Variants in CSDE1 observed in about 807,000 individuals in gnomAD.
CSDE1 encodes cold shock domain containing E1.
CSDE1 carries 17 observed loss-of-function variants against 89.3 expected under a neutral mutation model. The observed-to-expected ratio is 0.19, with a 90% CI of 0.13 to 0.29. The LOEUF (loss-of-function observed/expected upper bound fraction) is 0.29, where lower values mean the gene tolerates loss of function less well. Among genes scored for constraint, CSDE1 ranks in the 10% least tolerant of loss-of-function variants. The probability of loss-of-function intolerance (pLI) is 1.00; values close to 1 mark genes in which losing one functional copy is unlikely to be tolerated. For synonymous variants in CSDE1, 322 were observed against 332.8 expected, an observed-to-expected ratio of 0.97 and a Z score of 0.35; for missense variants, 672 against 984.2, an observed-to-expected ratio of 0.68 and a Z score of 4.24.
At chr1:114,744,097 TAG>T (rs1660882497) in intron 2 of CSDE1, among the ~76,000 whole-genome samples, 1 of 152,120 alleles carries the variant, frequency 6.6e-6, no homozygotes, top group Non-Finnish European at 1.5e-5. Flanking sequence ...CAAATGGAAG[TAG>T]ATAATTTAAC....
chr1:114,718,164 T>C lies in CSDE1; in HGVS notation c.*5A>G. The C allele has an allele frequency of 1.2e-6, 2 of 1,614,090 alleles. No homozygotes were observed. Among genetic ancestry groups the C allele is most frequent in the Non-Finnish European group, 1.7e-6 (2 of 1,179,976 alleles). On this transcript the variant is annotated 3_prime_UTR_variant, in exon 20 of 20. Transcript: ENST00000358528. Reference sequence around the variant, plus strand: ...GTGGATTAATGGTGTGCTTTGTGGATGTGGTTAGTCAATGACACCAGCTTG... The same window carrying C: ...GTGGATTAATGGTGTGCTTTGTGGACGTGGTTAGTCAATGACACCAGCTTG...
At position 114,737,471 on chromosome 1, in the gene CSDE1, C is replaced by T; in HGVS notation, c.402G>A (p.Gly134=). ...GTTTAAGAAAAATACACAAGTTTAC[C>T]CCATTACGTTCGTAGCATACACTCC... is the stretch of plus-strand genomic sequence containing the variant. ...PTGSVCYERN[G]EVFYLTYTPE... Residue 134 remains glycine (G), a splice_region_variant and synonymous_variant, in exon 5 of 20, where the codon GGG becomes GGA. Coordinates refer to ENST00000358528, the MANE Select transcript of CSDE1 (RefSeq NM_001007553.3). 6.2e-7 allele frequency: 1 copy of T among 1,609,832 alleles called. No homozygotes were observed. Among genetic ancestry groups the T allele is most frequent in the Non-Finnish European group, 8.5e-7 (1 of 1,176,282 alleles).
chr1:114,718,925 C>CA (rs1659355260), intron 18 of CSDE1, 180 bp from the exon 19 acceptor site: 2 of 635,056 alleles, frequency 3.1e-6, no homozygotes, highest in East Asian at 5.7e-5. Flanking sequence ...TTATTATCCC[C>CA]AACTCAAGGT....
Position 114,744,085 on chromosome 1 carries a change from G to A in CSDE1, c.1-4195C>T, listed in dbSNP as rs187967549. On this transcript the variant is annotated intron_variant, in intron 2 of 19. Transcript: ENST00000358528. ...CAAAAACAATTACATGAAAGTATAG[G>A]ACAAATGGAAGTAGATAATTTAACA... is the stretch of plus-strand genomic sequence containing the variant. Among the ~76,000 whole-genome samples, 3 of 152,228 alleles carry A rather than the reference G, an allele frequency of 2.0e-5. No homozygotes were observed. The East Asian group carries it at 5.8e-4, about 29-fold the overall frequency.
chr1:114,724,998 A>C (rs1659717030), intron 15 of CSDE1, among the ~76,000 whole-genome samples: 1 of 152,180 alleles, frequency 6.6e-6, no homozygotes, highest in African/African-American at 2.4e-5. Flanking sequence ...GAATCACCTA[A>C]AGGATTTATT....
chr1:114,739,844 T>C lies in CSDE1; in HGVS notation c.47A>G (p.Tyr16Cys). 6.2e-7 allele frequency: 1 copy of C among 1,614,132 alleles called. No homozygotes were observed. Among genetic ancestry groups the C allele is most frequent in the South Asian group, 1.1e-5 (1 of 91,092 alleles). The change falls in exon 3 of 20, where the codon TAC (tyrosine) becomes TGC (cysteine). Residue 16 changes from tyrosine (Y) to cysteine (C), a missense_variant. Around this residue, in one of 8 missense-constraint regions of CSDE1, gnomAD observed 26 missense variants for 24.3 expected, o/e 1.07. Coordinates refer to ENST00000358528, the MANE Select transcript of CSDE1 (RefSeq NM_001007553.3). ...CAGTGCTGCTGAAGTACCATTAGGG[T>C]ACCCATTATGTCCATTGTTGTGGAG... is the stretch of plus-strand genomic sequence containing the variant. ...NLLHNNGHNG[Y>C]PNGTSAALRE...
At chr1:114,743,146 TAATTA>T (rs1300479045) in intron 2 of CSDE1, among the ~76,000 whole-genome samples, 2 of 152,228 alleles carry the variant, frequency 1.3e-5, no homozygotes, top group Non-Finnish European at 2.9e-5. Flanking sequence ...TTTGTTTATT[TAATTA>T]ATTAATTTAT....
At position 114,718,109 on chromosome 1, in the gene CSDE1, C is replaced by G; in HGVS notation, c.*60G>C. On this transcript the variant is annotated 3_prime_UTR_variant, in exon 20 of 20. Coordinates refer to ENST00000358528, the MANE Select transcript of CSDE1 (RefSeq NM_001007553.3). ...GATGAAGAGGGAGATATTCAGAACC[C>G]TTCACCAGATTCCCCCCAACTTGAT... The G allele has an allele frequency of 1.3e-6, 2 of 1,579,978 alleles. No homozygotes were observed. The highest frequency in any genetic ancestry group is 1.1e-5 in the South Asian group (1 of 89,928).
rs545971637 is a variant in CSDE1 at position 114,725,471 on chromosome 1, T to C, written c.1641-138A>G. The C allele has an allele frequency of 9.9e-4, 681 of 685,626 alleles. 1 individual carries two copies. Among genetic ancestry groups the C allele is most frequent in the Middle Eastern group, 2.0e-3 (8 of 3,906 alleles). 42.5% of individuals were successfully genotyped at this position (685,626 alleles called of 1,614,324 possible). On this transcript the variant is annotated intron_variant, in intron 14 of 19. Transcript: ENST00000358528. ...CACCATTTTAAGTAATTTCTATGTA[T>C]TGACTCATTTAATCCTCAAGAATGC...
intron 2 of CSDE1, among the ~76,000 whole-genome samples, chr1:114,744,551 G>A (rs996152729): frequency 6.6e-6 from 1 of 152,102 alleles, no homozygotes; most frequent in Non-Finnish European, 1.5e-5. Flanking sequence ...CTGGGTGACA[G>A]AGTGAGACCC....
chr1:114,737,428 A>G (rs1660464562), intron 5 of CSDE1, 43 bp downstream of exon 5: 1 of 1,408,572 alleles, frequency 7.1e-7, no homozygotes, highest in Non-Finnish European at 1.0e-6. Context: ...TATAGATCAC[A>G]TGGTGGATCA....
intron 6 of CSDE1, 119 bp from the exon 7 acceptor site, chr1:114,734,642 T>A: frequency 1.5e-6 from 1 of 686,134 alleles, no homozygotes; most frequent in Non-Finnish European, 2.5e-6. Flanking sequence ...CTATCATCAC[T>A]AAGAATAAAT....
chr1:114,737,841 T>C lies in CSDE1; in HGVS notation c.309+122A>G, dbSNP rs11102834. The C allele has an allele frequency of 9.9e-3, 6,940 of 703,806 alleles. 376 individuals are homozygous for C. The African/African-American group carries it at 0.11, about 11-fold the overall frequency. The allele number at this position is 703,806 out of a possible 1,614,324, so 43.6% of individuals were successfully genotyped here. On this transcript the variant is annotated intron_variant, in intron 4 of 19. Coordinates refer to ENST00000358528, the MANE Select transcript of CSDE1 (RefSeq NM_001007553.3). ...CTTTTGATTAATTTTAAAATAGTAA[T>C]CTTTATATACTATAGCTCTCTTTCG...
rs1010873156 is a variant in CSDE1, at chr1:114,750,132, C to T, written c.-312G>A. On this transcript the variant is annotated 5_prime_UTR_variant, in exon 2 of 20. Transcript: ENST00000358528. ...TCTTCTTTGGTCTTGTTAGTTGTTACGAGGTTTGTTCCTTGCCTGATCTGA... is the reference window on the plus strand; with the variant it reads ...TCTTCTTTGGTCTTGTTAGTTGTTATGAGGTTTGTTCCTTGCCTGATCTGA... The T allele has an allele frequency of 6.6e-6, 1 of 152,586 alleles. No individual in the cohort carries two copies. Among genetic ancestry groups the T allele is most frequent in the Non-Finnish European group, 1.5e-5 (1 of 68,038 alleles). 9.5% of individuals were successfully genotyped at this position (152,586 alleles called of 1,614,324 possible).
intron 12 of CSDE1, among the ~76,000 whole-genome samples, chr1:114,729,200 G>A (rs1296526899): frequency 1.3e-5 from 2 of 151,990 alleles, no homozygotes; most frequent in South Asian, 2.1e-4. Context: ...CTGGGTTCAC[G>A]CCATTCTCCT....
At chr1:114,723,149 G>A (rs754315697) in intron 16 of CSDE1, among the ~76,000 whole-genome samples, 30 of 152,032 alleles carry the variant, frequency 2.0e-4, no homozygotes, top group Non-Finnish European at 3.2e-4. Context: ...GAACCACCAC[G>A]CCCGGCCTAC....
chr1:114,746,086 C>T (rs570047409), intron 2 of CSDE1, among the ~76,000 whole-genome samples: 91 of 152,278 alleles, frequency 6.0e-4, no homozygotes, highest in Non-Finnish European at 1.2e-3. Context: ...GCCTATTTCA[C>T]CATAAGATCT....
At chr1:114,741,704 A>G in intron 2 of CSDE1, 3 of 1,445,856 alleles carry the variant, frequency 2.1e-6, no homozygotes, top group Non-Finnish European at 1.8e-6. Context: ...GTTGATAACT[A>G]TGATCAATAA....
intron 1 of CSDE1, among the ~76,000 whole-genome samples, chr1:114,756,073 G>A (rs1349302106): frequency 6.6e-6 from 1 of 152,134 alleles, no homozygotes; most frequent in Non-Finnish European, 1.5e-5. Context: ...AAGGGTAGAG[G>A]GTAAAGCCAG....
Sources: allele counts gnomAD v4.1 joint callset (sites outside exome capture counted in the v4.1 genomes callset), GRCh38; gene constraint gnomAD v4.1.1; regional missense constraint gnomAD v4.1.1; transcripts MANE v1.5; gene names NCBI Gene and HGNC (gene_info 2026-07-23, HGNC 2026-07-21).